CWC25: variants seen among roughly 807,000 people sequenced by gnomAD.
The protein encoded by CWC25 is CWC25 spliceosome associated protein.
In CWC25, 31 loss-of-function variants were observed where a neutral mutation model predicts 54.6. That is an observed-to-expected ratio of 0.57 (90% CI 0.43 to 0.77). The LOEUF is 0.77. CWC25 is among the 30% of genes least tolerant of loss of function. CWC25 has a pLI of 0.00. For synonymous variants in CWC25, 151 were observed against 187.0 expected, an observed-to-expected ratio of 0.81 and a Z score of 1.57; for missense variants, 453 against 529.3, an observed-to-expected ratio of 0.86 and a Z score of 1.41.
In CWC25 at chr17:38,801,761, G is replaced by A. The variant is rs984691326; in HGVS notation, c.*331C>T. The A allele has an allele frequency of 3.8e-5, 8 of 208,850 alleles. No homozygotes were observed. The highest frequency in any genetic ancestry group is 2.3e-4 in the Admixed American group (4 of 17,070). The allele number at this position is 208,850 out of a possible 1,614,324, so 12.9% of individuals were successfully genotyped here. ...TGGTGTACGCTGAGGCAGTGAAATA[G>A]GTCTGTTGGCACAGGTAAGAAGGAA... On this transcript the variant is annotated 3_prime_UTR_variant, in exon 10 of 10. Transcript: ENST00000614790.
chr17:38,823,481 A>G (rs1286325098), intron 1 of CWC25, among the ~76,000 whole-genome samples: 2 of 151,892 alleles, frequency 1.3e-5, no homozygotes, highest in African/African-American at 2.4e-5. Flanking sequence ...AAAAAAAAAA[A>G]AGAAAAGAGA....
intron 8 of CWC25, among the ~76,000 whole-genome samples, chr17:38,805,275 C>CA (rs1283998567): frequency 2.0e-5 from 3 of 149,916 alleles, no homozygotes; most frequent in Admixed American, 6.7e-5. Context: ...ATGCTGTCTC[C>CA]AAAAAAAACA....
chr17:38,811,389 T>C (rs1407087307), intron 4 of CWC25, among the ~76,000 whole-genome samples: 1 of 151,644 alleles, frequency 6.6e-6, no homozygotes, highest in Non-Finnish European at 1.5e-5. Context: ...AAAAATTAGC[T>C]GGGCATGGTA....
Position 38,820,921 on chromosome 17 carries a change from C to T in CWC25, c.171G>A (p.Ala57=), listed in dbSNP as rs372500873. Residue 57 remains alanine, a synonymous_variant, in exon 2 of 10, where the codon GCG becomes GCA. Transcript: ENST00000614790. ...ERAREEMQRY[A]EDVGAVKKKE... ...CTTACTTGACGGCCCCAACATCCTCCGCATAGCGCTGCATCTCTTCCCGGG... is the reference window on the plus strand; with the variant it reads ...CTTACTTGACGGCCCCAACATCCTCTGCATAGCGCTGCATCTCTTCCCGGG... The T allele has an allele frequency of 3.0e-5, 48 of 1,612,258 alleles. No individual in the cohort carries two copies. Among genetic ancestry groups the T allele is most frequent in the South Asian group, 6.6e-5 (6 of 90,792 alleles).
At position 38,820,357 on chromosome 17, in the gene CWC25, T is replaced by C. The variant is rs563535995; in HGVS notation, c.191+544A>G. On this transcript the variant is annotated intron_variant, in intron 2 of 9. Transcript: ENST00000614790. Reference sequence around the variant, plus strand: ...TATGAGATGGATGGGGTAGTTATTATCTGCTACTCGTATCCTATATTATAC... The same window carrying C: ...TATGAGATGGATGGGGTAGTTATTACCTGCTACTCGTATCCTATATTATAC... 1.7e-4 allele frequency among the ~76,000 whole-genome samples: 26 copies of C among 152,344 alleles called. 1 individual carries two copies. The East Asian group carries it at 4.8e-3, about 28-fold the overall frequency.
At chr17:38,820,174 ATTT>A (rs1911866759) in intron 2 of CWC25, among the ~76,000 whole-genome samples, 2 of 152,142 alleles carry the variant, frequency 1.3e-5, no homozygotes, top group Non-Finnish European at 2.9e-5. Flanking sequence ...GGCTCAAGTG[ATTT>A]CTCAGCCTCC....
intron 2 of CWC25, among the ~76,000 whole-genome samples, chr17:38,820,161 C>A (rs920902593): frequency 6.6e-6 from 1 of 152,186 alleles, no homozygotes; most frequent in African/African-American, 2.4e-5. Flanking sequence ...TCTCAAACTC[C>A]TGGGCTCAAG....
chr17:38,805,596 G>C (rs947368820), intron 8 of CWC25, among the ~76,000 whole-genome samples: 11 of 152,166 alleles, frequency 7.2e-5, no homozygotes, highest in African/African-American at 2.7e-4. Context: ...TTACAGGTAT[G>C]AGCCACCACA....
chr17:38,812,734 A>T (rs1911540079), intron 4 of CWC25, 61 bp downstream of exon 4: 3 of 958,298 alleles, frequency 3.1e-6, no homozygotes, highest in Non-Finnish European at 4.9e-6. Context: ...GTAAATGGAG[A>T]GACGTTCTCA....
At chr17:38,810,209 C>A in intron 5 of CWC25, 2 of 504,772 alleles carry the variant, frequency 4.0e-6, no homozygotes. Flanking sequence ...CTACCTAAGA[C>A]CTACTAGGCT....
chr17:38,806,841 T>C lies in CWC25; in HGVS notation c.826A>G (p.Thr276Ala). ...CTGTCCCGGGACCCTGCTTCCCTGG[T>C]GCTCTTCTTGCTGGCATGTCTTGGG... The part of the protein sequence containing the change: ...SPPRHASKKS[T>A]REAGSRDRRS... Residue 276 changes from threonine (T) to alanine (A), a missense_variant, in exon 7 of 10, where the codon ACC becomes GCC. By Grantham distance (58) the Thr-to-Ala change is moderately conservative. Transcript: ENST00000614790. 6.2e-7 allele frequency: 1 copy of C among 1,613,654 alleles called. No individual in the cohort carries two copies. Among genetic ancestry groups the C allele is most frequent in the Non-Finnish European group, 8.5e-7 (1 of 1,179,826 alleles).
chr17:38,818,057 C>T (rs984814869), intron 2 of CWC25, among the ~76,000 whole-genome samples: 1 of 151,468 alleles, frequency 6.6e-6, no homozygotes, highest in East Asian at 1.9e-4. Context: ...GCGGGCAGAT[C>T]ACAAGGTCAG....
intron 2 of CWC25, among the ~76,000 whole-genome samples, chr17:38,819,217 T>C (rs1459144950): frequency 2.0e-5 from 3 of 151,080 alleles, no homozygotes; most frequent in Non-Finnish European, 4.4e-5. Context: ...TTTTTTTTTT[T>C]GAGACGAAGT....
At chr17:38,816,269 C>T (rs1911695237) in intron 2 of CWC25, among the ~76,000 whole-genome samples, 1 of 151,990 alleles carries the variant, frequency 6.6e-6, no homozygotes, top group African/African-American at 2.4e-5. Flanking sequence ...TTCTTTTAGA[C>T]ACAGGGTCTC....
rs769593429 is a variant in CWC25, at chr17:38,806,752, A to G, written c.902+13T>C. On this transcript the variant is annotated intron_variant, in intron 7 of 9. Coordinates refer to ENST00000614790, the MANE Select transcript of CWC25 (RefSeq NM_017748.5). Reference sequence around the variant, plus strand: ...ACAGTCACAGGTTATTTCCCAGTGAATCCCACACTCACAGTTTGCTGGGTC... The same window carrying G: ...ACAGTCACAGGTTATTTCCCAGTGAGTCCCACACTCACAGTTTGCTGGGTC... 2.6e-6 allele frequency: 4 copies of G among 1,555,666 alleles called. No individual in the cohort carries two copies. The highest frequency in any genetic ancestry group is 3.5e-6 in the Non-Finnish European group (4 of 1,154,506).
At chr17:38,809,513 C>T (rs1598070889) in intron 6 of CWC25, among the ~76,000 whole-genome samples, 189 bp downstream of exon 6, 1 of 152,034 alleles carries the variant, frequency 6.6e-6, no homozygotes, top group African/African-American at 2.4e-5. Context: ...TAGAATGTCT[C>T]AATGCCCCAT....
chr17:38,806,706 G>A, intron 7 of CWC25, 59 bp downstream of exon 7: 1 of 1,430,842 alleles, frequency 7.0e-7, no homozygotes, highest in East Asian at 2.3e-5. Flanking sequence ...AAAAACAAAT[G>A]CCTGCTGGGA....
intron 7 of CWC25, 145 bp downstream of exon 7, chr17:38,806,620 G>GA (rs920603657): frequency 6.5e-3 from 4,873 of 748,232 alleles, no homozygotes; most frequent in South Asian, 8.3e-3. Context: ...CATTGAGGTG[G>GA]AAAAAAAAAA....
At chr17:38,807,840 C>T (rs554023341) in intron 6 of CWC25, among the ~76,000 whole-genome samples, 1 of 136,630 alleles carries the variant, frequency 7.3e-6, no homozygotes, top group African/African-American at 2.7e-5. Flanking sequence ...AGGCAGATCA[C>T]GAGGCCAGGA....
Sources: allele counts gnomAD v4.1 joint callset (sites outside exome capture counted in the v4.1 genomes callset), GRCh38; gene constraint gnomAD v4.1.1; transcripts MANE v1.5; gene names NCBI Gene and HGNC (gene_info 2026-07-23, HGNC 2026-07-21).